Variants in NPSR1 observed in about 807,000 individuals in gnomAD.
NPSR1 encodes the protein neuropeptide S receptor.
Under a neutral mutation model 46.9 loss-of-function variants are expected in NPSR1, and 48 were observed. That is an observed-to-expected ratio of 1.02 (90% CI 0.81 to 1.30). The LOEUF is 1.30. NPSR1 is among the 50% of genes most tolerant of loss of function. The pLI is 0.00. For missense variants in NPSR1, 450 were observed against 449.5 expected (o/e 1.00, Z -0.01); for synonymous variants, 176 against 168.1 (o/e 1.05, Z -0.36).
intron 8 of NPSR1, among the ~76,000 whole-genome samples, chr7:34,862,594 C>G (rs1791214903): frequency 6.6e-6 from 1 of 151,748 alleles, no homozygotes; most frequent in Admixed American, 6.5e-5. Context: ...TACAGCTTCT[C>G]TGTAGATACT....
chr7:34,836,193 C>G (rs1790360957), intron 6 of NPSR1, among the ~76,000 whole-genome samples: 1 of 152,008 alleles, frequency 6.6e-6, no homozygotes, highest in Non-Finnish European at 1.5e-5. Context: ...AGAGCAAAAG[C>G]AATCAGAGAG....
intron 3 of NPSR1, chr7:34,779,933 T>C (rs985519351): frequency 1.9e-5 from 3 of 154,166 alleles, no homozygotes; most frequent in African/African-American, 7.2e-5. Context: ...TGTGGTACTG[T>C]AGTCATCAGA....
At chr7:34,780,028 A>G (rs1787163404) in intron 3 of NPSR1, among the ~76,000 whole-genome samples, 1 of 152,198 alleles carries the variant, frequency 6.6e-6, no homozygotes, top group African/African-American at 2.4e-5. Flanking sequence ...AGTTCTCCAC[A>G]TGGGCCTCTC....
At chr7:34,868,225 G>A (rs986583533) in intron 8 of NPSR1, among the ~76,000 whole-genome samples, 1 of 151,658 alleles carries the variant, frequency 6.6e-6, no homozygotes, top group Non-Finnish European at 1.5e-5. Flanking sequence ...GTGAGAGTTA[G>A]GAAGGGTCTA....
chr7:34,838,916 C>T (rs1481226301), intron 6 of NPSR1, among the ~76,000 whole-genome samples: 3 of 152,092 alleles, frequency 2.0e-5, no homozygotes, highest in Admixed American at 6.5e-5. Context: ...ACAAATTTCT[C>T]GTTATAACTA....
At chr7:34,862,758 TG>T (rs1254204168) in intron 8 of NPSR1, among the ~76,000 whole-genome samples, 1 of 151,736 alleles carries the variant, frequency 6.6e-6, no homozygotes, top group East Asian at 1.9e-4. Flanking sequence ...CCAATATAAG[TG>T]GGGTGACCAT....
chr7:34,752,071 C>G (rs1405553822), intron 2 of NPSR1: 3 of 617,884 alleles, frequency 4.9e-6, no homozygotes, highest in Non-Finnish European at 8.8e-6. Flanking sequence ...TTTCTGCAAC[C>G]GGTGACGGGG....
intron 2 of NPSR1, among the ~76,000 whole-genome samples, chr7:34,735,971 A>G (rs1415439546): frequency 6.6e-6 from 1 of 152,248 alleles, no homozygotes; most frequent in Non-Finnish European, 1.5e-5. Flanking sequence ...AACTCCAGCT[A>G]TATAAAAAAG....
At chr7:34,840,397 G>A (rs992648468) in intron 6 of NPSR1, among the ~76,000 whole-genome samples, 5 of 152,146 alleles carry the variant, frequency 3.3e-5, no homozygotes, top group South Asian at 2.1e-4. Context: ...GGAGGAAAAC[G>A]CTGTGTGGTG....
chr7:34,744,977 C>T (rs1037562154), intron 2 of NPSR1, among the ~76,000 whole-genome samples: 25 of 152,150 alleles, frequency 1.6e-4, no homozygotes, highest in Admixed American at 3.3e-4. Flanking sequence ...ATAGAACTTA[C>T]ATTGTATTAG....
intron 3 of NPSR1, among the ~76,000 whole-genome samples, chr7:34,782,747 C>T (rs189791518): frequency 1.3e-5 from 2 of 152,128 alleles, no homozygotes; most frequent in East Asian, 3.9e-4. Context: ...ACAGACATAA[C>T]ATCATCAAAA....
intron 8 of NPSR1, among the ~76,000 whole-genome samples, chr7:34,863,540 AC>A (rs1791238048): frequency 6.6e-6 from 1 of 151,836 alleles, no homozygotes; most frequent in Admixed American, 6.6e-5. Flanking sequence ...ACAAGAAAAA[AC>A]AACCCCATCA....
In NPSR1 at chr7:34,747,218, G is replaced by A. The variant is rs141360401; in HGVS notation, c.281-31244G>A. On this transcript the variant is annotated intron_variant, in intron 2 of 8. Transcript: ENST00000360581. ...AGAGGATTTGGGGCATGAAATAGGAGCTGCAGGTTGGAGAACATCACAAGC... is the reference window on the plus strand; with the variant it reads ...AGAGGATTTGGGGCATGAAATAGGAACTGCAGGTTGGAGAACATCACAAGC... Among the ~76,000 whole-genome samples the A allele has an allele frequency of 1.8e-3, 275 of 151,784 alleles. 1 individual carries two copies. Among genetic ancestry groups the A allele is most frequent in the African/African-American group, 6.5e-3 (268 of 41,362 alleles).
At chr7:34,687,197 G>T (rs936026306) in intron 2 of NPSR1, among the ~76,000 whole-genome samples, 16 of 149,098 alleles carry the variant, frequency 1.1e-4, no homozygotes, top group African/African-American at 3.7e-4. Flanking sequence ...CCCTAAAAAA[G>T]AACCCTGGAA....
At position 34,834,584 on chromosome 7, in the gene NPSR1, C is replaced by T. The variant is rs76658599; in HGVS notation, c.757+124C>T. The T allele has an allele frequency of 3.7e-5, 27 of 731,186 alleles. No individual in the cohort carries two copies. The East Asian group carries it at 6.5e-4, about 18-fold the overall frequency. 45.3% of individuals were successfully genotyped at this position (731,186 alleles called of 1,614,324 possible). A position where few individuals can be genotyped will look rare whatever the true frequency, so the allele number is the denominator to read the frequency against. ...ATACAGGATCATATCAGGACCCAGC[C>T]GGCAGACCAGACCCACCAAAGGCTG... On this transcript the variant is annotated intron_variant, in intron 6 of 8. Coordinates refer to ENST00000360581, the MANE Select transcript of NPSR1 (RefSeq NM_207172.2).
rs150337456 is a variant in NPSR1, at chr7:34,842,541, A to G, written c.758-2355A>G. Among the ~76,000 whole-genome samples, 1,030 of 152,300 alleles carry G rather than the reference A, an allele frequency of 6.8e-3. 14 individuals carry two copies. Among genetic ancestry groups the G allele is most frequent in the African/African-American group, 0.024 (979 of 41,576 alleles). On this transcript the variant is annotated intron_variant, in intron 6 of 8. Coordinates refer to ENST00000360581, the MANE Select transcript of NPSR1 (RefSeq NM_207172.2). ...TCCCTGTAAAGCAAGATCACCCCCA[A>G]TGGAGAATCACTGCTCTAAATGTTC...
chr7:34,786,884 T>C (rs1387972642), intron 3 of NPSR1, among the ~76,000 whole-genome samples: 11 of 152,114 alleles, frequency 7.2e-5, no homozygotes, highest in Non-Finnish European at 2.9e-5. Context: ...CTTTAGGCTT[T>C]GTTGTTTTAT....
At chr7:34,680,717 A>G (rs1290757920) in intron 1 of NPSR1, among the ~76,000 whole-genome samples, 1 of 152,222 alleles carries the variant, frequency 6.6e-6, no homozygotes, top group Non-Finnish European at 1.5e-5. Context: ...TGCAATCACA[A>G]GAACGAATAT....
chr7:34,717,289 C>T (rs1039692828), intron 2 of NPSR1, among the ~76,000 whole-genome samples: 2 of 152,112 alleles, frequency 1.3e-5, no homozygotes, highest in African/African-American at 2.4e-5. Flanking sequence ...TGTGCCACCA[C>T]CCCCAAGTAG....
Sources: gnomAD v4.1 joint callset for allele counts (sites outside exome capture counted in the v4.1 genomes callset) on GRCh38, gnomAD v4.1.1 for gene constraint, MANE v1.5 for transcripts, NCBI Gene and HGNC (gene_info 2026-07-23, HGNC 2026-07-21) for gene names.